THSD7B: variants seen among roughly 807,000 people sequenced by gnomAD.
THSD7B encodes the protein thrombospondin type-1 domain-containing protein 7B.
In THSD7B, 138 loss-of-function variants were observed where a neutral mutation model predicts 213.6. The ratio of observed to expected loss-of-function variants is 0.65; its 90% CI spans 0.56 to 0.74. THSD7B has a LOEUF of 0.74. THSD7B is among the 30% of genes least tolerant of loss of function. The pLI is 0.00. For missense variants in THSD7B, 1,931 were observed against 1,991.5 expected (o/e 0.97, Z 0.58); for synonymous variants, 742 against 687.0 (o/e 1.08, Z -1.25).
intron 7 of THSD7B, among the ~76,000 whole-genome samples, chr2:137,189,772 C>T (rs748334336): frequency 2.0e-5 from 3 of 152,030 alleles, no homozygotes; most frequent in Non-Finnish European, 4.4e-5. Context: ...ACCTCACAGA[C>T]GGCTCCCTTC....
At chr2:136,848,174 C>T (rs1683040609) in intron 1 of THSD7B, among the ~76,000 whole-genome samples, 1 of 152,194 alleles carries the variant, frequency 6.6e-6, no homozygotes, top group Non-Finnish European at 1.5e-5. Context: ...CAGTGCTTCT[C>T]TGTCAAATGT....
At chr2:137,109,311 A>G (rs1688306704) in intron 4 of THSD7B, among the ~76,000 whole-genome samples, 1 of 152,176 alleles carries the variant, frequency 6.6e-6, no homozygotes, top group Non-Finnish European at 1.5e-5. Context: ...AACACTCACA[A>G]TCTATCCTCT....
intron 12 of THSD7B, among the ~76,000 whole-genome samples, chr2:137,363,208 A>G (rs1195594614): frequency 6.6e-6 from 1 of 152,234 alleles, no homozygotes; most frequent in African/African-American, 2.4e-5. Context: ...GACATAATGT[A>G]GCAGAATTTC....
intron 17 of THSD7B, among the ~76,000 whole-genome samples, chr2:137,582,826 A>T (rs562446416): frequency 1.3e-5 from 2 of 152,346 alleles, no homozygotes; most frequent in African/African-American, 4.8e-5. Context: ...TTATAGCAGC[A>T]TGATTTATAA....
At chr2:137,610,362 C>T (rs1682265727) in intron 17 of THSD7B, among the ~76,000 whole-genome samples, 1 of 151,912 alleles carries the variant, frequency 6.6e-6, no homozygotes, top group African/African-American at 2.4e-5. Context: ...TTGAGAGTAT[C>T]CATGGAAGGC....
chr2:137,363,466 A>C (rs1685321957), intron 12 of THSD7B, among the ~76,000 whole-genome samples: 1 of 152,202 alleles, frequency 6.6e-6, no homozygotes, highest in Non-Finnish European at 1.5e-5. Context: ...TTTTGAAAAG[A>C]TCAACAAAAT....
chr2:137,210,525 A>G (rs921400100), intron 7 of THSD7B, among the ~76,000 whole-genome samples: 2 of 151,998 alleles, frequency 1.3e-5, no homozygotes, highest in African/African-American at 4.8e-5. Context: ...TTTTCTTTTC[A>G]AGTTTAAACA....
In THSD7B at chr2:137,000,483, G is replaced by T. The variant is rs553223371; in HGVS notation, c.140-55937G>T. Among the ~76,000 whole-genome samples, 5 of 152,154 alleles carry T rather than the reference G, an allele frequency of 3.3e-5. No homozygotes were observed. In the East Asian group the frequency reaches 5.8e-4, roughly 18 times the overall value. On this transcript the variant is annotated intron_variant, in intron 2 of 27. Coordinates refer to ENST00000409968, the MANE Select transcript of THSD7B (RefSeq NM_001316349.2). ...TAAGAAGGAAAACTGATACTATGGG[G>T]TTGATTATTAACACTGTTATTACAT...
chr2:137,598,656 A>G (rs1682011552), intron 17 of THSD7B, among the ~76,000 whole-genome samples: 1 of 152,210 alleles, frequency 6.6e-6, no homozygotes, highest in East Asian at 1.9e-4. Context: ...CCCTGAGAAT[A>G]AATTAAATAC....
At chr2:137,473,408 C>T (rs550984473) in intron 15 of THSD7B, among the ~76,000 whole-genome samples, 79 of 152,064 alleles carry the variant, frequency 5.2e-4, no homozygotes, top group African/African-American at 1.8e-3. Flanking sequence ...CAGCATTTCA[C>T]CGTGTTAGCC....
chr2:137,676,681 T>A lies in THSD7B; in HGVS notation c.*76T>A. On this transcript the variant is annotated 3_prime_UTR_variant, in exon 28 of 28. Transcript: ENST00000409968. ...TTTTGTAGCTCTCAGACTTCTCAGT[T>A]TTTTGAGGAATCTCAAGATGTGATA... 1 of 1,327,066 alleles carries A rather than the reference T, an allele frequency of 7.5e-7. No individual in the cohort carries two copies. Among genetic ancestry groups the A allele is most frequent in the Non-Finnish European group, 1.0e-6 (1 of 984,300 alleles). The allele number at this position is 1,327,066 out of a possible 1,614,324, so 82.2% of individuals were successfully genotyped here. A position where few individuals can be genotyped will look rare whatever the true frequency, so the allele number is the denominator to read the frequency against.
At chr2:136,981,162 T>C (rs1328943793) in intron 2 of THSD7B, among the ~76,000 whole-genome samples, 1 of 152,220 alleles carries the variant, frequency 6.6e-6, no homozygotes, top group East Asian at 1.9e-4. Context: ...AGGTAAAATG[T>C]ACTGATAAAT....
chr2:137,472,322 T>C (rs1219943794), intron 15 of THSD7B, among the ~76,000 whole-genome samples: 1 of 152,198 alleles, frequency 6.6e-6, no homozygotes, highest in East Asian at 1.9e-4. Flanking sequence ...TATACACTCT[T>C]AAAAATTATT....
intron 3 of THSD7B, among the ~76,000 whole-genome samples, chr2:137,080,983 G>A (rs1687737160): frequency 6.6e-6 from 1 of 152,120 alleles, no homozygotes; most frequent in Non-Finnish European, 1.5e-5. Context: ...GAACAGTTTA[G>A]CCAGATATAT....
chr2:137,302,015 G>A (rs1406946528), intron 12 of THSD7B, among the ~76,000 whole-genome samples: 3 of 152,082 alleles, frequency 2.0e-5, no homozygotes. Flanking sequence ...CCATCCAGGG[G>A]AATGATGATG....
intron 7 of THSD7B, among the ~76,000 whole-genome samples, chr2:137,207,887 C>T (rs61215595): frequency 0.035 from 5,299 of 152,046 alleles, 316 homozygotes; most frequent in African/African-American, 0.12. Context: ...TCTTCCTGCC[C>T]GCTGCACAGA....
intron 2 of THSD7B, among the ~76,000 whole-genome samples, chr2:136,947,787 C>T (rs1684969808): frequency 3.3e-5 from 5 of 151,926 alleles, no homozygotes; most frequent in Admixed American, 2.6e-4. Context: ...TGTTTTTTGC[C>T]TCTGCATTTA....
At chr2:137,328,222 A>G (rs751207156) in intron 12 of THSD7B, among the ~76,000 whole-genome samples, 1 of 152,176 alleles carries the variant, frequency 6.6e-6, no homozygotes, top group Non-Finnish European at 1.5e-5. Context: ...TTTTCATTAA[A>G]TTTGCTTAAT....
At chr2:137,560,270 A>G (rs1395493947) in intron 15 of THSD7B, among the ~76,000 whole-genome samples, 5 of 152,216 alleles carry the variant, frequency 3.3e-5, no homozygotes, top group African/African-American at 1.2e-4. Context: ...ACGTGTGTTT[A>G]TTGCAGCACT....
Sources: gnomAD v4.1 joint callset for allele counts (sites outside exome capture counted in the v4.1 genomes callset) on GRCh38, gnomAD v4.1.1 for gene constraint, MANE v1.5 for transcripts, NCBI Gene and HGNC (gene_info 2026-07-23, HGNC 2026-07-21) for gene names.